The following DCK variants were observed in gnomAD, a reference collection of about 807,000 sequenced individuals.
DCK encodes the protein deoxycytidine kinase, also known as deoxyadenosine kinase.
A neutral mutation model predicts 38.3 loss-of-function variants in DCK; 23 were observed. The ratio of observed to expected loss-of-function variants is 0.60; its 90% CI spans 0.43 to 0.85. The LOEUF (loss-of-function observed/expected upper bound fraction) is 0.85. DCK is among the 40% of genes least tolerant of loss of function. DCK has a pLI of 0.00. For missense variants in DCK, 259 were observed against 304.4 expected (o/e 0.85, Z 1.11); for synonymous variants, 108 against 100.6 (o/e 1.07, Z -0.44).
rs1438860877 is a variant in DCK, at chr4:71,025,826, A to G, written c.560A>G (p.His187Arg). The G allele has an allele frequency of 1.2e-6, 2 of 1,608,088 alleles. No individual in the cohort carries two copies. Among genetic ancestry groups the G allele is most frequent in the South Asian group, 1.1e-5 (1 of 89,238 alleles). Residue 187 changes from histidine to arginine, a missense_variant, in exon 5 of 7, where the codon CAT becomes CGT. Physicochemically the swap from His to Arg is conservative, Grantham distance 29. Transcript: ENST00000286648. ...YLQATPETCL[H>R]RIYLRGRNEE... is the part of the protein sequence containing the mutation. ...ATTACTTGCTTTTAGACATGCTTAC[A>G]TAGAATATATTTACGGGGAAGAAAT...
Position 71,029,357 on chromosome 4 carries a change from A to G in DCK, c.762A>G (p.Lys254=), listed in dbSNP as rs771563914. Residue 254 remains lysine, a synonymous_variant, in exon 7 of 7, where the codon AAA becomes AAG. Transcript: ENST00000286648. The part of the protein sequence containing the change: ...DKYESLVEKV[K]EFLSTL The stretch of plus-strand genomic sequence containing the variant: ...TTTTTTCTTCCTTTCCTCAGGTCAA[A>G]GAGTTTTTGAGTACTTTGTGATCTT... The G allele has an allele frequency of 2.5e-6, 4 of 1,602,596 alleles. No homozygotes were observed. Among genetic ancestry groups the G allele is most frequent in the Non-Finnish European group, 3.4e-6 (4 of 1,173,742 alleles).
chr4:71,005,779 G>A (rs1240368841), intron 2 of DCK, among the ~76,000 whole-genome samples: 1 of 151,766 alleles, frequency 6.6e-6, no homozygotes, highest in Non-Finnish European at 1.5e-5. Flanking sequence ...TTGGATTACA[G>A]GCCTGAGCCA....
At chr4:70,996,494 C>A (rs1463580884) in intron 1 of DCK, among the ~76,000 whole-genome samples, 2 of 152,208 alleles carry the variant, frequency 1.3e-5, no homozygotes, top group Admixed American at 6.5e-5. Context: ...TGTATGACAA[C>A]AATTGGTGTT....
chr4:70,993,778 G>C lies in DCK; in HGVS notation c.-58G>C. 1.6e-6 allele frequency: 2 copies of C among 1,287,074 alleles called. No homozygotes were observed. The highest frequency in any genetic ancestry group is 2.2e-6 in the Non-Finnish European group (2 of 901,652). The allele number at this position is 1,287,074 out of a possible 1,614,324, so 79.7% of individuals were successfully genotyped here. On this transcript the variant is annotated 5_prime_UTR_variant, in exon 1 of 7. Coordinates refer to ENST00000286648, the MANE Select transcript of DCK (RefSeq NM_000788.3). ...GCCGCGAGCTCCAGTGCGCGCACCC[G>C]TGGCCGCCTCCCAGCCCTCTTTGCC...
At chr4:71,010,217 C>G (rs1466899948) in intron 2 of DCK, among the ~76,000 whole-genome samples, 6 of 144,360 alleles carry the variant, frequency 4.2e-5, no homozygotes, top group African/African-American at 1.6e-4. Flanking sequence ...TGTTGCTATA[C>G]TATTGATAAG....
At chr4:70,999,081 A>G (rs1000277305) in intron 2 of DCK, among the ~76,000 whole-genome samples, 2 of 152,000 alleles carry the variant, frequency 1.3e-5, no homozygotes, top group African/African-American at 4.8e-5. Flanking sequence ...CAGGTTTGTT[A>G]TGTAGATATA....
intron 2 of DCK, 30 bp from the exon 3 acceptor site, chr4:71,022,337 T>C (rs774832526): frequency 3.6e-5 from 50 of 1,389,212 alleles, no homozygotes; most frequent in Non-Finnish European, 4.5e-5. Context: ...TTAATTTTGC[T>C]TTTTATTTCT....
chr4:71,030,039 G>A lies in DCK; in HGVS notation c.*661G>A, dbSNP rs568776014. 1 of 152,660 alleles carries A rather than the reference G, an allele frequency of 6.6e-6. No homozygotes were observed. The highest frequency in any genetic ancestry group is 6.5e-5 in the Admixed American group (1 of 15,302). 9.5% of individuals were successfully genotyped at this position (152,660 alleles called of 1,614,324 possible). ...CACTGTGATTACTCTTTGCTTTGTA[G>A]TTTGCTTTGCTTTGTAGGGTTCTGC... On this transcript the variant is annotated 3_prime_UTR_variant, in exon 7 of 7. Coordinates refer to ENST00000286648, the MANE Select transcript of DCK (RefSeq NM_000788.3).
Position 71,029,823 on chromosome 4 carries a change from AC to A in DCK, c.*447del, listed in dbSNP as rs1740641362. The A allele has an allele frequency of 6.5e-6, 1 of 153,814 alleles. No individual in the cohort carries two copies. Among genetic ancestry groups the A allele is most frequent in the African/African-American group, 2.4e-5 (1 of 41,456 alleles). 9.5% of individuals were successfully genotyped at this position (153,814 alleles called of 1,614,324 possible). ...TAGTGTGTCCTGTGTAAATTAGTGT[AC>A]CTATTAAAAGTTGCAAAGTGGAATT... is the stretch of plus-strand genomic sequence containing the variant. On this transcript the variant is annotated 3_prime_UTR_variant, in exon 7 of 7. Transcript: ENST00000286648.
intron 4 of DCK, among the ~76,000 whole-genome samples, chr4:71,024,099 C>T (rs1740493274): frequency 6.6e-6 from 1 of 152,118 alleles, no homozygotes; most frequent in South Asian, 2.1e-4. Context: ...CCTAGAACAC[C>T]CAGTGCTGGG....
chr4:71,028,077 T>C (rs1335600175), intron 6 of DCK, among the ~76,000 whole-genome samples: 3 of 152,214 alleles, frequency 2.0e-5, no homozygotes, highest in Admixed American at 2.0e-4. Context: ...CTAGGTTCAT[T>C]GACTCCTTAC....
At chr4:71,023,535 G>C in intron 3 of DCK, 24 bp from the exon 4 acceptor site, 1 of 1,419,814 alleles carries the variant, frequency 7.0e-7, no homozygotes, top group South Asian at 1.3e-5. Context: ...AATGATACAT[G>C]TGTTGATGAA....
At chr4:71,018,349 C>T (rs1740326705) in intron 2 of DCK, among the ~76,000 whole-genome samples, 1 of 151,914 alleles carries the variant, frequency 6.6e-6, no homozygotes, top group Admixed American at 6.6e-5. Context: ...AGGATGGTCT[C>T]GATCTCCTGA....
intron 4 of DCK, among the ~76,000 whole-genome samples, chr4:71,024,378 A>G (rs1740499681): frequency 6.6e-6 from 1 of 152,172 alleles, no homozygotes; most frequent in African/African-American, 2.4e-5. Context: ...ATGACCAAAT[A>G]GATGCCTTTC....
chr4:71,011,909 C>T lies in DCK; in HGVS notation c.208-10458C>T, dbSNP rs949003838. Among the ~76,000 whole-genome samples the T allele has an allele frequency of 5.9e-5, 9 of 152,088 alleles. No individual in the cohort carries two copies. The South Asian group carries it at 6.2e-4, about 11-fold the overall frequency. Reference sequence around the variant, plus strand: ...GAACAGAATAAATGTTATTCATAATCCTACCACTCTGTATGTATCTTTTAC... The same window carrying T: ...GAACAGAATAAATGTTATTCATAATTCTACCACTCTGTATGTATCTTTTAC... On this transcript the variant is annotated intron_variant, in intron 2 of 6. Coordinates refer to ENST00000286648, the MANE Select transcript of DCK (RefSeq NM_000788.3).
At chr4:71,012,384 T>C (rs1165414757) in intron 2 of DCK, among the ~76,000 whole-genome samples, 1 of 152,264 alleles carries the variant, frequency 6.6e-6, no homozygotes, top group Non-Finnish European at 1.5e-5. Flanking sequence ...TCTACGGACT[T>C]AAATGTCCCT....
At position 71,010,797 on chromosome 4, in the gene DCK, C is replaced by T. The variant is rs545503520; in HGVS notation, c.208-11570C>T. Among the ~76,000 whole-genome samples the T allele has an allele frequency of 1.3e-4, 19 of 150,756 alleles. 1 individual carries two copies. The highest frequency in any genetic ancestry group is 7.7e-4 in the East Asian group (4 of 5,166). On this transcript the variant is annotated intron_variant, in intron 2 of 6. Transcript: ENST00000286648. Reference sequence around the variant, plus strand: ...TGGTTAAACCAAGCTAATTAACATACGCATTACCCGTACTATTTTACTTTT... The same window carrying T: ...TGGTTAAACCAAGCTAATTAACATATGCATTACCCGTACTATTTTACTTTT...
intron 6 of DCK, among the ~76,000 whole-genome samples, chr4:71,028,318 G>A (rs1740590228): frequency 6.6e-6 from 1 of 152,192 alleles, no homozygotes; most frequent in East Asian, 1.9e-4. Context: ...ATTGATAGAT[G>A]CAGTGGCTCA....
intron 2 of DCK, among the ~76,000 whole-genome samples, chr4:71,014,437 A>G (rs1226156613): frequency 6.6e-6 from 1 of 152,066 alleles, no homozygotes; most frequent in East Asian, 1.9e-4. Flanking sequence ...CATCTACAGA[A>G]CTCTCCACCC....
Sources: allele counts gnomAD v4.1 joint callset (sites outside exome capture counted in the v4.1 genomes callset), GRCh38; gene constraint gnomAD v4.1.1; transcripts MANE v1.5; gene names NCBI Gene and HGNC (gene_info 2026-07-23, HGNC 2026-07-21).